Variants in LNX2 observed in about 807,000 individuals in gnomAD.
LNX2 encodes the protein ligand of numb-protein X 2.
Under a neutral mutation model 66.2 loss-of-function variants are expected in LNX2, and 35 were observed. The ratio of observed to expected loss-of-function variants is 0.53; its 90% confidence interval spans 0.40 to 0.70. The LOEUF is 0.70. Among genes scored for constraint, LNX2 ranks in the 30% least tolerant of loss-of-function variants. The probability of loss-of-function intolerance (pLI) is 0.00; values close to 1 mark genes in which losing one functional copy is unlikely to be tolerated. For missense variants in LNX2, 791 were observed against 850.8 expected, an observed-to-expected ratio of 0.93 and a Z score of 0.87; for synonymous variants, 337 against 315.6, an observed-to-expected ratio of 1.07 and a Z score of -0.72.
chr13:27,580,855 T>C (rs1955389835), intron 2 of LNX2, among the ~76,000 whole-genome samples: 1 of 152,194 alleles, frequency 6.6e-6, no homozygotes, highest in Non-Finnish European at 1.5e-5. Context: ...TGATTCCAAT[T>C]TACCAAACTA....
At position 27,569,056 on chromosome 13, in the gene LNX2, C is replaced by T. The variant is rs1955242271; in HGVS notation, c.628G>A (p.Ala210Thr). 6.2e-7 allele frequency: 1 copy of T among 1,613,528 alleles called. No individual in the cohort carries two copies. The highest frequency in any genetic ancestry group is 8.5e-7 in the Non-Finnish European group (1 of 1,179,866). Residue 210 changes from alanine (A) to threonine (T), a missense_variant, in exon 3 of 10, where the codon GCC (alanine) becomes ACC (threonine). Ala to Thr is a moderately conservative substitution (Grantham distance 58). Coordinates refer to ENST00000316334, the MANE Select transcript of LNX2 (RefSeq NM_153371.4). The part of the protein sequence containing the change: ...WSEEPGLDNP[A>T]FEESAGADTT... ...TCAGCTCCAGCGCTCTCCTCAAAGG[C>T]AGGGTTGTCAAGGCCAGGCTCCTCA... is the stretch of plus-strand genomic sequence containing the variant.
intron 1 of LNX2, among the ~76,000 whole-genome samples, chr13:27,606,087 T>C (rs1593264411): frequency 6.6e-6 from 1 of 152,290 alleles, no homozygotes; most frequent in East Asian, 1.9e-4. Flanking sequence ...ATCTGCAGAC[T>C]TGATGAACAC....
rs1955061163 is a variant in LNX2, at chr13:27,556,381, T to C, written c.1401A>G (p.Lys467=). 3 of 1,613,772 alleles carry C rather than the reference T, an allele frequency of 1.9e-6. No homozygotes were observed. Among genetic ancestry groups the C allele is most frequent in the Non-Finnish European group, 2.5e-6 (3 of 1,179,914 alleles). ...GTGGTTCCTTCTTTACAGTAATGTG[T>C]TTTTCTTGGCATGTAACACACTGAG... ...DLTQCVTCQE[K]HITVKKEPHE... is the part of the protein sequence containing the mutation. Residue 467 remains lysine (K), a synonymous_variant, in exon 7 of 10, where the codon AAA becomes AAG. Coordinates refer to ENST00000316334, the MANE Select transcript of LNX2 (RefSeq NM_153371.4).
intron 1 of LNX2, among the ~76,000 whole-genome samples, chr13:27,588,892 A>T (rs1181610416): frequency 1.3e-5 from 2 of 152,174 alleles, no homozygotes; most frequent in Non-Finnish European, 2.9e-5. Flanking sequence ...ATTATTTTAC[A>T]TGTTTGTTAA....
intron 2 of LNX2, among the ~76,000 whole-genome samples, chr13:27,571,368 G>T (rs1338473859): frequency 1.3e-5 from 2 of 152,210 alleles, no homozygotes; most frequent in Non-Finnish European, 2.9e-5. Context: ...TTTCACTGAT[G>T]AGGGCAAAAG....
Position 27,573,895 on chromosome 13 carries a change from G to A in LNX2, c.408-4619C>T, listed in dbSNP as rs74040813. ...TGTTCAATACAAAATTAAGAAACAT[G>A]CAAAGAAACAAGTACAGCCCATTCA... On this transcript the variant is annotated intron_variant, in intron 2 of 9. Coordinates refer to ENST00000316334, the MANE Select transcript of LNX2 (RefSeq NM_153371.4). Among the ~76,000 whole-genome samples, 488 of 144,368 alleles carry A rather than the reference G, an allele frequency of 3.4e-3. 3 individuals are homozygous for A. The highest frequency in any genetic ancestry group is 0.012 in the African/African-American group (468 of 38,184). The allele number at this position is 144,368 out of a possible 152,430, so 94.7% of individuals were successfully genotyped here.
Position 27,581,392 on chromosome 13 carries a change from A to G in LNX2, c.312T>C (p.His104=). ...KLCKKSSILV[H]KLLDKLLVLC... ...AAACTAATAATTTGTCTAGGAGTTT[A>G]TGAACTAGAATACTAGACTTCTTGC... Residue 104 remains histidine, a synonymous_variant, in exon 2 of 10, where the codon CAT becomes CAC. Transcript: ENST00000316334. 6.3e-7 allele frequency: 1 copy of G among 1,598,150 alleles called. No homozygotes were observed. The highest frequency in any genetic ancestry group is 8.6e-7 in the Non-Finnish European group (1 of 1,168,866).
At chr13:27,565,975 C>A (rs750211461) in intron 4 of LNX2, among the ~76,000 whole-genome samples, 1 of 152,068 alleles carries the variant, frequency 6.6e-6, no homozygotes, top group Non-Finnish European at 1.5e-5. Context: ...TGGCTATTCC[C>A]AACAGCATCT....
At chr13:27,616,481 G>C (rs1555270636) in intron 1 of LNX2, among the ~76,000 whole-genome samples, 1 of 152,180 alleles carries the variant, frequency 6.6e-6, no homozygotes, top group Non-Finnish European at 1.5e-5. Flanking sequence ...GCCTGAAACT[G>C]TCTCTCAGGT....
intron 1 of LNX2, among the ~76,000 whole-genome samples, chr13:27,602,040 C>G (rs1289103373): frequency 6.6e-6 from 1 of 152,106 alleles, no homozygotes; most frequent in Non-Finnish European, 1.5e-5. Flanking sequence ...TCAGTACACT[C>G]CTAAATATGA....
intron 1 of LNX2, among the ~76,000 whole-genome samples, chr13:27,611,740 T>G (rs1451381523): frequency 6.6e-6 from 1 of 152,222 alleles, no homozygotes. Context: ...TTTCAGTACT[T>G]AATATGGGAA....
Position 27,548,323 on chromosome 13 carries a change from A to G in LNX2, c.*12T>C, listed in dbSNP as rs771523522. On this transcript the variant is annotated 3_prime_UTR_variant, in exon 10 of 10. Coordinates refer to ENST00000316334, the MANE Select transcript of LNX2 (RefSeq NM_153371.4). ...AAAGGAAGATGCAAGATTTGAAACC[A>G]ATTTCCAAAATCTATACAAGGCTGC... is the stretch of plus-strand genomic sequence containing the variant. 8 of 1,593,962 alleles carry G rather than the reference A, an allele frequency of 5.0e-6. No individual in the cohort carries two copies. The highest frequency in any genetic ancestry group is 6.8e-6 in the Non-Finnish European group (8 of 1,173,134).
At position 27,559,875 on chromosome 13, in the gene LNX2, T is replaced by C. The variant is rs1208674530; in HGVS notation, c.1335A>G (p.Pro445=). ...AGCTTGGTCTGCTATAATACGGTGG[T>C]GGTGTGTGGTGCTGGCTGCTGCTGC... ...NHSSSSQHHT[P]PPYYSRPSSH... The change falls in exon 6 of 10, where the codon CCA becomes CCG. Residue 445 remains proline (P), a synonymous_variant. Transcript: ENST00000316334. The C allele has an allele frequency of 6.2e-7, 1 of 1,608,638 alleles. No homozygotes were observed. Among genetic ancestry groups the C allele is most frequent in the East Asian group, 2.2e-5 (1 of 44,716 alleles).
chr13:27,610,188 A>G (rs1955758320), intron 1 of LNX2, among the ~76,000 whole-genome samples: 2 of 152,210 alleles, frequency 1.3e-5, no homozygotes, highest in Admixed American at 6.5e-5. Context: ...GGATACAACC[A>G]CATGCACTGT....
chr13:27,562,788 A>G lies in LNX2; in HGVS notation c.856-7T>C, dbSNP rs750316453. ...TGATATTGTAGTTGTTGACCTAGAA[A>G]AAAAGAATTGTGACCGAAGTGTGAC... is the stretch of plus-strand genomic sequence containing the variant. On this transcript the variant is annotated splice_polypyrimidine_tract_variant and splice_region_variant and intron_variant, in intron 4 of 9. Coordinates refer to ENST00000316334, the MANE Select transcript of LNX2 (RefSeq NM_153371.4). 1 of 1,593,124 alleles carries G rather than the reference A, an allele frequency of 6.3e-7. No individual in the cohort carries two copies. The highest frequency in any genetic ancestry group is 8.6e-7 in the Non-Finnish European group (1 of 1,168,088).
intron 1 of LNX2, among the ~76,000 whole-genome samples, chr13:27,596,052 C>A (rs1535786): frequency 1.3e-5 from 2 of 151,988 alleles, no homozygotes; most frequent in Non-Finnish European, 2.9e-5. Flanking sequence ...ACTATCTTTT[C>A]CATGTACAGC....
At chr13:27,584,103 G>C (rs1955457175) in intron 1 of LNX2, among the ~76,000 whole-genome samples, 1 of 152,194 alleles carries the variant, frequency 6.6e-6, no homozygotes, top group Non-Finnish European at 1.5e-5. Flanking sequence ...ACTCAAGGGA[G>C]GGGAATTCTA....
upstream of LNX2, chr13:27,620,987 G>A (rs1955904308): frequency 6.5e-6 from 1 of 153,038 alleles, no homozygotes; most frequent in Non-Finnish European, 1.5e-5. Flanking sequence ...GTCGGGCAGG[G>A]TCGGGGCCAG....
Position 27,553,323 on chromosome 13 carries a change from C to T in LNX2, c.1663G>A (p.Val555Ile), listed in dbSNP as rs560206782. 2 of 1,614,174 alleles carry T rather than the reference C, an allele frequency of 1.2e-6. No homozygotes were observed. Among genetic ancestry groups the T allele is most frequent in the East Asian group, 2.2e-5 (1 of 44,882 alleles). The change falls in exon 8 of 10, where the codon GTC becomes ATC. Residue 555 changes from valine (V) to isoleucine (I), a missense_variant. Transcript: ENST00000316334. ...SPAVALKALE[V>I]QIVEEATQNA... ...TGAGTCGCCTCCTCAACAATCTGGA[C>T]CTCAAGTGCTTTAAGGGCAACAGCA...
Sources: allele counts gnomAD v4.1 joint callset (sites outside exome capture counted in the v4.1 genomes callset), GRCh38; gene constraint gnomAD v4.1.1; transcripts MANE v1.5; gene names NCBI Gene and HGNC (gene_info 2026-07-23, HGNC 2026-07-21).